The following MREG variants were observed in gnomAD, a reference collection of about 807,000 sequenced individuals.
MREG encodes melanoregulin, also known as dilute suppressor protein homolog.
In MREG, 31 loss-of-function variants were observed where a neutral mutation model predicts 28.5. That is an observed-to-expected ratio of 1.09 (90% CI 0.82 to 1.47). The LOEUF (loss-of-function observed/expected upper bound fraction) is 1.47. Ranked by LOEUF, MREG falls within the 40% of genes most tolerant of loss-of-function variation. The probability of loss-of-function intolerance (pLI) is 0.00; values close to 1 mark genes in which losing one functional copy is unlikely to be tolerated. For synonymous variants in MREG, 106 were observed against 95.2 expected, an observed-to-expected ratio of 1.11 and a Z score of -0.66; for missense variants, 256 against 257.4, an observed-to-expected ratio of 0.99 and a Z score of 0.04.
intron 2 of MREG, among the ~76,000 whole-genome samples, chr2:215,990,174 A>C (rs935651364): frequency 6.6e-6 from 1 of 152,202 alleles, no homozygotes; most frequent in African/African-American, 2.4e-5. Flanking sequence ...CAAAGGGAAG[A>C]CCATCAGACT....
intron 2 of MREG, among the ~76,000 whole-genome samples, chr2:215,994,204 C>T (rs1693797387): frequency 6.6e-6 from 1 of 152,006 alleles, no homozygotes; most frequent in Non-Finnish European, 1.5e-5. Context: ...AAATGTGGCA[C>T]ATATACTCCA....
chr2:216,023,250 A>G (rs1203678318), intron 1 of MREG, among the ~76,000 whole-genome samples: 23 of 152,348 alleles, frequency 1.5e-4, no homozygotes, highest in Non-Finnish European at 2.9e-5. Flanking sequence ...CTGGCATCCA[A>G]TTGTAAATTC....
At chr2:215,976,911 G>C (rs1422396065) in intron 2 of MREG, among the ~76,000 whole-genome samples, 1 of 152,202 alleles carries the variant, frequency 6.6e-6, no homozygotes, top group Non-Finnish European at 1.5e-5. Flanking sequence ...ACTGGTACCA[G>C]CCTCTGCAAA....
intron 1 of MREG, among the ~76,000 whole-genome samples, chr2:215,998,488 T>C (rs754154966): frequency 2.0e-5 from 3 of 152,118 alleles, no homozygotes; most frequent in Non-Finnish European, 2.9e-5. Flanking sequence ...CCTGAAATCC[T>C]TGTGGCTGCA....
intron 1 of MREG, among the ~76,000 whole-genome samples, chr2:216,008,436 G>A (rs1330863596): frequency 6.6e-6 from 1 of 152,236 alleles, no homozygotes; most frequent in East Asian, 1.9e-4. Context: ...GAAATGGAAA[G>A]AATGAACAAC....
chr2:215,994,083 A>T (rs1173690528), intron 2 of MREG, among the ~76,000 whole-genome samples: 1 of 152,000 alleles, frequency 6.6e-6, no homozygotes, highest in Non-Finnish European at 1.5e-5. Context: ...AAGGATTATA[A>T]ATCATTCTAC....
rs1363528935 is a variant in MREG, at chr2:215,948,752, T to TA, written c.256-1640dup. ...AACAGCCTGACTTCAGGGAAGTTCT[T>TA]AACCTCACTGTTCCTCAATTGCCTC... On this transcript the variant is annotated intron_variant, in intron 2 of 4. Transcript: ENST00000263268. Among the ~76,000 whole-genome samples the TA allele has an allele frequency of 6.6e-5, 10 of 152,298 alleles. No homozygotes were observed. The South Asian group carries it at 2.1e-3, about 32-fold the overall frequency.
chr2:215,947,712 C>G (rs887339958), intron 2 of MREG, among the ~76,000 whole-genome samples: 5 of 152,190 alleles, frequency 3.3e-5, no homozygotes, highest in Non-Finnish European at 7.4e-5. Flanking sequence ...TTTCTTGATT[C>G]CTGGGCAATG....
intron 2 of MREG, among the ~76,000 whole-genome samples, chr2:215,990,878 C>A (rs1315425010): frequency 2.0e-5 from 3 of 152,236 alleles, no homozygotes; most frequent in East Asian, 1.9e-4. Flanking sequence ...AATACAGGAG[C>A]ACCCAGATTC....
upstream of MREG, among the ~76,000 whole-genome samples, chr2:216,016,588 A>G (rs1258885318): frequency 6.6e-6 from 1 of 152,226 alleles, no homozygotes; most frequent in Admixed American, 6.5e-5. Flanking sequence ...TAGAGGTGAC[A>G]AGTCTTACCC....
intron 2 of MREG, among the ~76,000 whole-genome samples, chr2:215,969,811 G>T (rs1404429051): frequency 1.3e-5 from 2 of 152,050 alleles, no homozygotes; most frequent in East Asian, 3.9e-4. Flanking sequence ...TCATGGAGGG[G>T]TGGGGGGCAG....
At chr2:216,000,341 C>T (rs1049762991) in intron 1 of MREG, among the ~76,000 whole-genome samples, 1 of 152,114 alleles carries the variant, frequency 6.6e-6, no homozygotes, top group Non-Finnish European at 1.5e-5. Flanking sequence ...CAGGGATGCA[C>T]TCACAGTGAA....
chr2:215,989,674 C>T lies in MREG; in HGVS notation c.255+6632G>A, dbSNP rs1356375325. On this transcript the variant is annotated intron_variant, in intron 2 of 4. Transcript: ENST00000263268. The stretch of plus-strand genomic sequence containing the variant: ...AAAAGGTTAGAGGAATTGCTAACTA[C>T]AGTAACCAGTTTAGAGAAGAACGTA... Among the ~76,000 whole-genome samples, 2 of 151,914 alleles carry T rather than the reference C, an allele frequency of 1.3e-5. 1 individual carries two copies. Among genetic ancestry groups the T allele is most frequent in the Middle Eastern group, 6.8e-3 (2 of 294 alleles).
chr2:215,963,484 C>T (rs573305118), intron 2 of MREG, among the ~76,000 whole-genome samples: 26 of 147,054 alleles, frequency 1.8e-4, no homozygotes, highest in African/African-American at 6.2e-4. Flanking sequence ...ATATTGATTA[C>T]GTGTTGAAAT....
intron 2 of MREG, among the ~76,000 whole-genome samples, chr2:215,991,811 T>C (rs1693728206): frequency 6.6e-6 from 1 of 152,106 alleles, no homozygotes; most frequent in Admixed American, 6.6e-5. Flanking sequence ...ATGGATAAAT[T>C]CCCGGACACA....
intron 2 of MREG, among the ~76,000 whole-genome samples, chr2:215,960,200 C>T (rs879083628): frequency 1.3e-5 from 2 of 152,128 alleles, no homozygotes; most frequent in Admixed American, 1.3e-4. Context: ...CACGATCCGC[C>T]CGCCTTGGCC....
downstream of MREG, among the ~76,000 whole-genome samples, chr2:215,940,877 A>C (rs2105960873): frequency 6.6e-6 from 1 of 152,214 alleles, no homozygotes; most frequent in Non-Finnish European, 1.5e-5. Context: ...GTCCATCATA[A>C]ATATTTTCTA....
chr2:216,013,493 G>A lies in MREG; in HGVS notation c.-166C>T, dbSNP rs1198415541. 5 of 212,720 alleles carry A rather than the reference G, an allele frequency of 2.4e-5. No homozygotes were observed. The highest frequency in any genetic ancestry group is 4.5e-5 in the Non-Finnish European group (5 of 112,326). The allele number at this position is 212,720 out of a possible 1,614,324, so 13.2% of individuals were successfully genotyped here. ...CATCACGCCGCGGCCGGGGACGCGGGCGAGGGCTGCAGGCCGCGCGCCCTC... is the reference window on the plus strand; with the variant it reads ...CATCACGCCGCGGCCGGGGACGCGGACGAGGGCTGCAGGCCGCGCGCCCTC... On this transcript the variant is annotated 5_prime_UTR_variant, in exon 1 of 5. Transcript: ENST00000263268.
At chr2:216,017,606 C>CT (rs1694467083), upstream of MREG, among the ~76,000 whole-genome samples, 1 of 152,152 alleles carries the variant, frequency 6.6e-6, no homozygotes. Flanking sequence ...ACCAAGAGCC[C>CT]TCTGGGCACC....
Sources: allele counts gnomAD v4.1 joint callset (sites outside exome capture counted in the v4.1 genomes callset), GRCh38; gene constraint gnomAD v4.1.1; transcripts MANE v1.5; gene names NCBI Gene and HGNC (gene_info 2026-07-23, HGNC 2026-07-21).